The following DAAM1 variants were observed in gnomAD, a reference collection of about 807,000 sequenced individuals.
The protein encoded by DAAM1 is disheveled-associated activator of morphogenesis 1.
DAAM1 carries 52 observed loss-of-function variants against 130.0 expected under a neutral mutation model. That is an observed-to-expected ratio of 0.40 (90% confidence interval 0.32 to 0.50). The LOEUF is 0.50. Among genes scored for constraint, DAAM1 ranks in the 20% least tolerant of loss-of-function variants. The pLI is 0.61. For synonymous variants in DAAM1, 452 were observed against 444.5 expected (o/e 1.02, Z -0.21); for missense variants, 1,134 against 1,303.8 (o/e 0.87, Z 2.01).
chr14:59,261,857 A>C (rs1285731853), intron 1 of DAAM1, among the ~76,000 whole-genome samples: 2 of 152,230 alleles, frequency 1.3e-5, no homozygotes, highest in Non-Finnish European at 2.9e-5. Context: ...AAGTTCAAGG[A>C]AGGCATCTGT....
chr14:59,194,508 G>T (rs961773205), intron 1 of DAAM1, among the ~76,000 whole-genome samples: 1 of 152,204 alleles, frequency 6.6e-6, no homozygotes, highest in Non-Finnish European at 1.5e-5. Context: ...TTTTCACTGG[G>T]TTGAATCCCT....
At chr14:59,325,567 A>C (rs979305666) in intron 8 of DAAM1, 97 bp from the exon 9 acceptor site, 164 of 1,058,388 alleles carry the variant, frequency 1.5e-4, no homozygotes, top group Non-Finnish European at 1.5e-4. Context: ...GATATCTCTG[A>C]AAAGTCAGGA....
In DAAM1 at chr14:59,367,529, C is replaced by G. The variant is rs1023455161; in HGVS notation, c.2927C>G (p.Ala976Gly). 1.9e-6 allele frequency: 3 copies of G among 1,613,468 alleles called. No homozygotes were observed. In the African/African-American group the frequency reaches 4.0e-5, roughly 22 times the overall value. Residue 976 changes from alanine to glycine, a missense_variant, in exon 24 of 25, where the codon GCC (alanine) becomes GGC (glycine). Ala to Gly is a moderately conservative substitution (Grantham distance 60). Transcript: ENST00000360909. ...CAATTTCTTCAAGCTGTGTCAGAAGCCAAACAAGAAAACGAAAATATGAGA... is the reference window on the plus strand; with the variant it reads ...CAATTTCTTCAAGCTGTGTCAGAAGGCAAACAAGAAAACGAAAATATGAGA... ...FDQFLQAVSE[A>G]KQENENMRKK...
At chr14:59,303,619 A>G (rs1332690252) in intron 3 of DAAM1, among the ~76,000 whole-genome samples, 2 of 152,160 alleles carry the variant, frequency 1.3e-5, no homozygotes, top group Non-Finnish European at 2.9e-5. Context: ...AAATAGGGCC[A>G]GGTGCGATGG....
intron 1 of DAAM1, among the ~76,000 whole-genome samples, chr14:59,205,790 T>G (rs578086666): frequency 5.3e-5 from 8 of 152,366 alleles, no homozygotes; most frequent in African/African-American, 1.4e-4. Flanking sequence ...TTATCTAACT[T>G]AAACTTCATT....
chr14:59,272,608 T>TACAC (rs35308018), intron 2 of DAAM1, among the ~76,000 whole-genome samples: 84 of 137,058 alleles, frequency 6.1e-4, no homozygotes, highest in Non-Finnish European at 8.0e-4. Context: ...TATATATATA[T>TACAC]ACACACACAC....
chr14:59,290,544 C>T (rs1293073538), intron 2 of DAAM1, among the ~76,000 whole-genome samples: 1 of 152,214 alleles, frequency 6.6e-6, no homozygotes, highest in East Asian at 1.9e-4. Context: ...GAGTAAATAT[C>T]AGTTAGTGTT....
chr14:59,340,046 T>C, intron 15 of DAAM1, 28 bp from the exon 16 acceptor site: 2 of 1,602,532 alleles, frequency 1.2e-6, no homozygotes, highest in Non-Finnish European at 1.7e-6. Context: ...TGTTGGACTT[T>C]GATGGATTTC....
At chr14:59,240,791 T>A (rs987371896) in intron 1 of DAAM1, among the ~76,000 whole-genome samples, 67 of 152,274 alleles carry the variant, frequency 4.4e-4, no homozygotes, top group African/African-American at 1.6e-3. Context: ...TCAGTCACTG[T>A]CCAGGGGATG....
intron 1 of DAAM1, among the ~76,000 whole-genome samples, chr14:59,256,907 G>A (rs1206310545): frequency 1.3e-5 from 2 of 152,098 alleles, no homozygotes; most frequent in Non-Finnish European, 2.9e-5. Flanking sequence ...ATATTTTCTT[G>A]GGCAAAATGT....
rs532347662 is a variant in DAAM1, at chr14:59,338,755, T to G, written c.1969-1319T>G. Among the ~76,000 whole-genome samples the G allele has an allele frequency of 1.3e-3, 202 of 152,252 alleles. 1 individual carries two copies. The highest frequency in any genetic ancestry group is 4.7e-3 in the African/African-American group (196 of 41,548). ...ATTGGTACAATAATTTATATAATTG[T>G]TTTTTTCCTCCTAATTCCTGAGTGG... On this transcript the variant is annotated intron_variant, in intron 15 of 24. Transcript: ENST00000360909.
intron 2 of DAAM1, among the ~76,000 whole-genome samples, chr14:59,277,246 C>A (rs1883009810): frequency 6.6e-6 from 1 of 152,134 alleles, no homozygotes; most frequent in East Asian, 1.9e-4. Context: ...CTTGCTTTAT[C>A]TAGCAAATGA....
intron 1 of DAAM1, among the ~76,000 whole-genome samples, chr14:59,217,336 T>A (rs941278161): frequency 6.6e-6 from 1 of 152,164 alleles, no homozygotes; most frequent in African/African-American, 2.4e-5. Flanking sequence ...ACCTTCAACT[T>A]GAGTACTGTG....
chr14:59,257,100 C>T (rs923994824), intron 1 of DAAM1, among the ~76,000 whole-genome samples: 1 of 152,092 alleles, frequency 6.6e-6, no homozygotes, highest in South Asian at 2.1e-4. Flanking sequence ...TATGAGGCTT[C>T]TGTCAGCATC....
chr14:59,267,435 A>C (rs557366589), intron 2 of DAAM1, among the ~76,000 whole-genome samples: 4 of 152,122 alleles, frequency 2.6e-5, no homozygotes, highest in Non-Finnish European at 5.9e-5. Context: ...GGGAACCAGA[A>C]TTAGTCCTAC....
At chr14:59,251,744 G>A (rs1016255058) in intron 1 of DAAM1, among the ~76,000 whole-genome samples, 1 of 152,122 alleles carries the variant, frequency 6.6e-6, no homozygotes, top group Admixed American at 6.5e-5. Flanking sequence ...CAGTTGAAGC[G>A]TTCATCATCT....
chr14:59,353,650 T>C (rs564207378), intron 18 of DAAM1, among the ~76,000 whole-genome samples: 48 of 152,306 alleles, frequency 3.2e-4, no homozygotes, highest in African/African-American at 1.1e-3. Flanking sequence ...AGGACTCTGC[T>C]GCAGTTGGCC....
intron 1 of DAAM1, among the ~76,000 whole-genome samples, chr14:59,217,681 T>C (rs762292554): frequency 5.3e-5 from 8 of 151,618 alleles, no homozygotes; most frequent in Non-Finnish European, 1.0e-4. Context: ...TACAAAAAAG[T>C]ACAAAAATGA....
At chr14:59,203,091 A>C (rs1038192946) in intron 1 of DAAM1, among the ~76,000 whole-genome samples, 2 of 150,134 alleles carry the variant, frequency 1.3e-5, no homozygotes, top group African/African-American at 4.9e-5. Context: ...TCCTGGGTTC[A>C]TGCCATTCTC....
Sources: gnomAD v4.1 joint callset for allele counts (sites outside exome capture counted in the v4.1 genomes callset) on GRCh38, gnomAD v4.1.1 for gene constraint, MANE v1.5 for transcripts, NCBI Gene and HGNC (gene_info 2026-07-23, HGNC 2026-07-21) for gene names.